Variants in SLC28A1 observed in about 807,000 individuals in gnomAD.
SLC28A1 encodes solute carrier family 28 member 1, also known as sodium/nucleoside cotransporter 1.
SLC28A1 carries 64 observed loss-of-function variants against 74.8 expected under a neutral mutation model. The observed-to-expected ratio is 0.86, with a 90% confidence interval of 0.70 to 1.05. The LOEUF is 1.05. Among genes scored for constraint, SLC28A1 ranks in the 50% least tolerant of loss-of-function variants. The pLI is 0.00. For synonymous variants in SLC28A1, 359 were observed against 335.0 expected, an observed-to-expected ratio of 1.07 and a Z score of -0.78; for missense variants, 828 against 822.8, an observed-to-expected ratio of 1.01 and a Z score of -0.08.
the SLC28A1 span, among the ~76,000 whole-genome samples, chr15:84,969,535 C>CT: frequency 3.3e-5 from 5 of 151,872 alleles, no homozygotes; most frequent in Admixed American, 1.3e-4. Flanking sequence ...CCCTGCCCCC[C>CT]GACTCGGACT....
intron 6 of SLC28A1, chr15:84,895,456 G>A (rs756761477): frequency 1.4e-5 from 23 of 1,612,816 alleles, no homozygotes; most frequent in Admixed American, 6.7e-5. Flanking sequence ...ACAAAAAGCC[G>A]CAGGGACCAT....
rs1256806548 is a variant in SLC28A1, at chr15:84,888,925, A to AG, written c.185+66dup. ...GAGGCTGCTTGGGAACAGGATGGGG[A>AG]GCCGGGCCTCCTGGCGGATGGGAGT... On this transcript the variant is annotated intron_variant, in intron 4 of 18. Coordinates refer to ENST00000394573, the MANE Select transcript of SLC28A1 (RefSeq NM_004213.5). 3.4e-6 allele frequency: 4 copies of AG among 1,168,092 alleles called. No homozygotes were observed. In the African/African-American group the frequency reaches 6.1e-5, roughly 18 times the overall value. The allele number at this position is 1,168,092 out of a possible 1,614,324, so 72.4% of individuals were successfully genotyped here. A position where few individuals can be genotyped will look rare whatever the true frequency, so the allele number is the denominator to read the frequency against.
At chr15:84,908,119 C>G (rs977852833) in intron 8 of SLC28A1, among the ~76,000 whole-genome samples, 3 of 150,808 alleles carry the variant, frequency 2.0e-5, no homozygotes, top group African/African-American at 4.9e-5. Context: ...CTTCACATGT[C>G]TCATGGTTAC....
chr15:84,884,695 G>T lies in SLC28A1; in HGVS notation c.-189G>T. 2.3e-5 allele frequency: 23 copies of T among 985,592 alleles called. No individual in the cohort carries two copies. Among genetic ancestry groups the T allele is most frequent in the Non-Finnish European group, 2.8e-5 (23 of 829,910 alleles). The allele number at this position is 985,592 out of a possible 1,614,324, so 61.1% of individuals were successfully genotyped here. Reference sequence around the variant, plus strand: ...TGAAGGTTATAAGCTGCACTGCATGGTTGCTGCTGGATGTGTTGTGTTCCT... The same window carrying T: ...TGAAGGTTATAAGCTGCACTGCATGTTTGCTGCTGGATGTGTTGTGTTCCT... On this transcript the variant is annotated 5_prime_UTR_variant, in exon 1 of 19. Coordinates refer to ENST00000394573, the MANE Select transcript of SLC28A1 (RefSeq NM_004213.5).
chr15:84,905,577 G>A lies in SLC28A1; in HGVS notation c.642G>A (p.Gln214=), dbSNP rs1485298467. 3 of 1,614,130 alleles carry A rather than the reference G, an allele frequency of 1.9e-6. No homozygotes were observed. Among genetic ancestry groups the A allele is most frequent in the Non-Finnish European group, 2.5e-6 (3 of 1,179,966 alleles). Residue 214 remains glutamine, a synonymous_variant, in exon 8 of 19, where the codon CAG becomes CAA. Coordinates refer to ENST00000394573, the MANE Select transcript of SLC28A1 (RefSeq NM_004213.5). ...CCGTGTCTTGGGGACTTGGACTGCAGTTTGTACTTGGACTCCTCGTCATCA... is the reference window on the plus strand; with the variant it reads ...CCGTGTCTTGGGGACTTGGACTGCAATTTGTACTTGGACTCCTCGTCATCA... ...WRAVSWGLGL[Q]FVLGLLVIRT...
At chr15:84,974,064 T>C in the SLC28A1 span, among the ~76,000 whole-genome samples, 1 of 152,102 alleles carries the variant, frequency 6.6e-6, no homozygotes, top group African/African-American at 2.4e-5. Flanking sequence ...AGAGGGGACT[T>C]GAATCAGGAG....
rs904731688 is a variant in SLC28A1, at chr15:84,885,529, C to T, written c.-133+778C>T. On this transcript the variant is annotated intron_variant, in intron 1 of 18. Transcript: ENST00000394573. ...GGTGGACCACCTGAGGTTGGAAGTT[C>T]GAGACCAGCCTGACCAACATGGAGA... is the stretch of plus-strand genomic sequence containing the variant. Among the ~76,000 whole-genome samples the T allele has an allele frequency of 9.9e-5, 15 of 151,780 alleles. No individual in the cohort carries two copies. In the South Asian group the frequency reaches 1.9e-3, roughly 19 times the overall value.
At chr15:84,895,308 G>A (rs1268355973) in intron 6 of SLC28A1, 185 bp downstream of exon 6, 4 of 1,604,970 alleles carry the variant, frequency 2.5e-6, no homozygotes, top group Non-Finnish European at 3.4e-6. Context: ...TGTTTCACCA[G>A]TTCTTAGTCC....
At chr15:84,947,377 G>T (rs574661830), downstream of SLC28A1, among the ~76,000 whole-genome samples, 15 of 152,248 alleles carry the variant, frequency 9.9e-5, no homozygotes, top group African/African-American at 3.6e-4. Context: ...CCACTAGCTG[G>T]GTCATGGAAC....
chr15:84,941,240 C>G (rs1004364262), intron 15 of SLC28A1: 3 of 152,260 alleles, frequency 2.0e-5, no homozygotes, highest in African/African-American at 7.3e-5. Context: ...GAGTCTCGCT[C>G]TGTTGCCTAG....
At chr15:84,960,858 CT>C in the SLC28A1 span, among the ~76,000 whole-genome samples, 2 of 152,130 alleles carry the variant, frequency 1.3e-5, no homozygotes, top group African/African-American at 4.8e-5. Context: ...TCTTTTCTTT[CT>C]TTCCCCTTTT....
intron 15 of SLC28A1, among the ~76,000 whole-genome samples, chr15:84,941,442 T>G (rs1036051122): frequency 9.2e-5 from 14 of 152,102 alleles, no homozygotes; most frequent in African/African-American, 3.4e-4. Context: ...CCTGAACTTG[T>G]GATCTGCCCA....
chr15:84,949,864 C>T (rs1286828583), downstream of SLC28A1, among the ~76,000 whole-genome samples: 2 of 101,588 alleles, frequency 2.0e-5, no homozygotes, highest in African/African-American at 8.2e-5. Context: ...CTCTAGGACA[C>T]AGCAGGAATG....
the SLC28A1 span, among the ~76,000 whole-genome samples, chr15:84,973,498 C>G: frequency 1.3e-5 from 2 of 152,300 alleles, no homozygotes; most frequent in South Asian, 4.1e-4. Context: ...AAATATCCCA[C>G]TCATGAGTTG....
intron 12 of SLC28A1, among the ~76,000 whole-genome samples, chr15:84,928,005 G>A (rs1413395314): frequency 6.6e-6 from 1 of 152,192 alleles, no homozygotes; most frequent in Non-Finnish European, 1.5e-5. Context: ...TAACGCTGGT[G>A]TTCCTCCTAG....
chr15:84,909,971 A>G (rs923329289), intron 9 of SLC28A1, among the ~76,000 whole-genome samples: 1 of 152,148 alleles, frequency 6.6e-6, no homozygotes, highest in East Asian at 1.9e-4. Context: ...GGACTTAGCT[A>G]TGGACTTCTG....
chr15:84,971,535 C>T, the SLC28A1 span, among the ~76,000 whole-genome samples: 1 of 152,190 alleles, frequency 6.6e-6, no homozygotes, highest in Admixed American at 6.5e-5. Context: ...CTTCCCCTTC[C>T]ACCATGAGAG....
In SLC28A1 at chr15:84,924,024, A is replaced by G. The variant is rs752495616; in HGVS notation, c.997A>G (p.Met333Val). 5 of 1,614,040 alleles carry G rather than the reference A, an allele frequency of 3.1e-6. No individual in the cohort carries two copies. The highest frequency in any genetic ancestry group is 2.2e-5 in the East Asian group (1 of 44,838). ...ACTGATCCGGCCCTACTTGGCAGACATGACACTCTCTGAAGTCCACGTTGT... is the reference window on the plus strand; with the variant it reads ...ACTGATCCGGCCCTACTTGGCAGACGTGACACTCTCTGAAGTCCACGTTGT... ...PLLIRPYLAD[M>V]TLSEVHVVMT... The change falls in exon 12 of 19, where the codon ATG (methionine) becomes GTG (valine). Residue 333 changes from methionine to valine, a missense_variant. This residue lies in a region of SLC28A1 where 767 missense variants were observed against 753.5 expected (regional missense o/e 1.02). Transcript: ENST00000394573.
intron 12 of SLC28A1, among the ~76,000 whole-genome samples, chr15:84,924,395 A>T (rs1970235447): frequency 6.6e-6 from 1 of 152,030 alleles, no homozygotes; most frequent in South Asian, 2.1e-4. Context: ...CAGATGAGAA[A>T]ATTGAGGCTC....
Sources: gnomAD v4.1 joint callset for allele counts (sites outside exome capture counted in the v4.1 genomes callset) on GRCh38, gnomAD v4.1.1 for gene constraint, gnomAD v4.1.1 regional missense constraint, MANE v1.5 for transcripts, NCBI Gene and HGNC (gene_info 2026-07-23, HGNC 2026-07-21) for gene names.